TRPC7: variants seen among roughly 807,000 people sequenced by gnomAD.
TRPC7 encodes the protein transient receptor potential cation channel subfamily C member 7.
In TRPC7, 42 loss-of-function variants were observed where a neutral mutation model predicts 90.1. That is an observed-to-expected ratio of 0.47 (90% CI 0.36 to 0.60). TRPC7 has a LOEUF of 0.60. TRPC7 is among the 20% of genes least tolerant of loss of function. The pLI is 0.00. For synonymous variants in TRPC7, 451 were observed against 436.3 expected (o/e 1.03, Z -0.42); for missense variants, 955 against 1,112.3 (o/e 0.86, Z 2.01).
chr5:136,345,155 A>T (rs1759966088), intron 2 of TRPC7, among the ~76,000 whole-genome samples: 1 of 152,224 alleles, frequency 6.6e-6, no homozygotes, highest in South Asian at 2.1e-4. Context: ...GGGATAAAGT[A>T]TGAAGGGAAA....
At chr5:136,245,728 T>A (rs185123161) in intron 7 of TRPC7, among the ~76,000 whole-genome samples, 1 of 152,326 alleles carries the variant, frequency 6.6e-6, no homozygotes, top group African/African-American at 2.4e-5. Context: ...GGAGAAGTTC[T>A]GGAACTGAGT....
chr5:136,262,012 G>A (rs964046812), intron 5 of TRPC7, among the ~76,000 whole-genome samples: 3 of 152,118 alleles, frequency 2.0e-5, no homozygotes, highest in Non-Finnish European at 4.4e-5. Context: ...GTTCTTGACT[G>A]CTCTCTTTCT....
chr5:136,315,925 G>T, intron 2 of TRPC7, 146 bp from the exon 3 acceptor site: 1 of 762,972 alleles, frequency 1.3e-6, no homozygotes, highest in Non-Finnish European at 2.1e-6. Flanking sequence ...AGCAGGATGT[G>T]CTGGGTGCAG....
Position 136,251,718 on chromosome 5 carries a change from C to G in TRPC7, c.1510G>C (p.Asp504His). ...AGCGTGTCGTCCTGCACGTGCTGGT[C>G]CACGTACAGCTGTGCCTCCGTGGCC... The part of the protein sequence containing the change: ...LKATEAQLYV[D>H]QHVQDDTLHN... Residue 504 changes from aspartate to histidine, a missense_variant, in exon 6 of 12, where the codon GAC becomes CAC. By Grantham distance (81) the Asp-to-His change is moderately conservative (BLOSUM62 -1). This residue lies in a region of TRPC7 where 484 missense variants were observed against 509.6 expected (regional missense o/e 0.95). Coordinates refer to ENST00000513104, the MANE Select transcript of TRPC7 (RefSeq NM_020389.3). The G allele has an allele frequency of 6.2e-7, 1 of 1,613,918 alleles. No homozygotes were observed. The highest frequency in any genetic ancestry group is 1.7e-5 in the Admixed American group (1 of 60,020).
intron 3 of TRPC7, among the ~76,000 whole-genome samples, chr5:136,304,391 C>T (rs2149833412): frequency 1.1e-5 from 1 of 88,016 alleles, no homozygotes. Flanking sequence ...ACTCTCCTTA[C>T]CATTCCCCCA....
intron 3 of TRPC7, among the ~76,000 whole-genome samples, chr5:136,283,256 G>A (rs1395168317): frequency 6.6e-6 from 1 of 152,226 alleles, no homozygotes; most frequent in Non-Finnish European, 1.5e-5. Flanking sequence ...TGTGTGGGGT[G>A]TCTGCTTTCT....
chr5:136,220,613 G>T (rs1755423116), intron 10 of TRPC7, among the ~76,000 whole-genome samples: 1 of 152,182 alleles, frequency 6.6e-6, no homozygotes, highest in Non-Finnish European at 1.5e-5. Context: ...TACGTGCACA[G>T]GTGAACATAG....
At chr5:136,255,090 G>C (rs953871782) in intron 5 of TRPC7, among the ~76,000 whole-genome samples, 1 of 152,210 alleles carries the variant, frequency 6.6e-6, no homozygotes, top group African/African-American at 2.4e-5. Context: ...AAAGAAAATA[G>C]TTTCTTCAGA....
intron 2 of TRPC7, among the ~76,000 whole-genome samples, chr5:136,334,472 G>C (rs556336478): frequency 6.6e-6 from 1 of 152,254 alleles, no homozygotes; most frequent in Admixed American, 6.5e-5. Context: ...TTTCACTTTG[G>C]TGCTTCTGTC....
At chr5:136,300,350 T>C (rs1231690068) in intron 3 of TRPC7, among the ~76,000 whole-genome samples, 1 of 152,162 alleles carries the variant, frequency 6.6e-6, no homozygotes, top group East Asian at 1.9e-4. Flanking sequence ...GGCTCATGTG[T>C]GGTGGGAGTA....
At chr5:136,298,906 AT>A (rs544951049) in intron 3 of TRPC7, among the ~76,000 whole-genome samples, 122 of 152,286 alleles carry the variant, frequency 8.0e-4, no homozygotes, top group African/African-American at 2.9e-3. Context: ...AGCAGTGATG[AT>A]TATTAGACTA....
intron 2 of TRPC7, among the ~76,000 whole-genome samples, chr5:136,334,965 C>G (rs973638435): frequency 1.3e-5 from 2 of 152,004 alleles, no homozygotes; most frequent in African/African-American, 4.8e-5. Context: ...TCTAAAAGCC[C>G]CGGGAGACAT....
At chr5:136,292,895 A>G (rs564389885) in intron 3 of TRPC7, among the ~76,000 whole-genome samples, 2 of 152,374 alleles carry the variant, frequency 1.3e-5, no homozygotes, top group Non-Finnish European at 2.9e-5. Context: ...AAAATCCTCA[A>G]TAAAATACTG....
At chr5:136,315,941 G>C in intron 2 of TRPC7, 162 bp from the exon 3 acceptor site, 1 of 684,952 alleles carries the variant, frequency 1.5e-6, no homozygotes, top group African/African-American at 1.8e-5. Flanking sequence ...TGCAGAAGGC[G>C]GGGCAATTTC....
chr5:136,238,183 G>A (rs1163521873), intron 7 of TRPC7, among the ~76,000 whole-genome samples: 2 of 152,218 alleles, frequency 1.3e-5, no homozygotes, highest in African/African-American at 2.4e-5. Context: ...GTCTGAAGGA[G>A]GCCCTCTCTC....
chr5:136,353,146 C>A (rs1184734613), intron 2 of TRPC7, among the ~76,000 whole-genome samples: 1 of 152,184 alleles, frequency 6.6e-6, no homozygotes, highest in Non-Finnish European at 1.5e-5. Context: ...CCTTGAACAG[C>A]TACATGATTT....
At chr5:136,222,106 A>T (rs1348364206) in intron 10 of TRPC7, 3 of 152,058 alleles carry the variant, frequency 2.0e-5, no homozygotes, top group Admixed American at 2.0e-4. Flanking sequence ...AAAACACATT[A>T]AAAAAATGGT....
At chr5:136,333,367 T>C (rs1054973352) in intron 2 of TRPC7, among the ~76,000 whole-genome samples, 4 of 152,112 alleles carry the variant, frequency 2.6e-5, no homozygotes, top group Non-Finnish European at 4.4e-5. Context: ...AAACATGATA[T>C]ATGATTATAC....
In TRPC7 at chr5:136,216,244, A is replaced by T; in HGVS notation, c.2375T>A (p.Val792Asp). Residue 792 changes from valine to aspartate, a missense_variant, in exon 11 of 12, where the codon GTC (valine) becomes GAC (aspartate). Val to Asp is a radical substitution (Grantham distance 152, BLOSUM62 -3). Around this residue, in one of 4 missense-constraint regions of TRPC7, gnomAD observed 296 missense variants for 422.7 expected, o/e 0.70. Coordinates refer to ENST00000513104, the MANE Select transcript of TRPC7 (RefSeq NM_020389.3). Reference sequence around the variant, plus strand: ...TTCTCTGTCCACCTGGGCTTTCAGGACGTATCTTTTTATGAGCCGTTTCAT... The same window carrying T: ...TTCTCTGTCCACCTGGGCTTTCAGGTCGTATCTTTTTATGAGCCGTTTCAT... ...KIMKRLIKRY[V>D]LKAQVDREND... The T allele has an allele frequency of 6.2e-7, 1 of 1,613,400 alleles. No individual in the cohort carries two copies. The highest frequency in any genetic ancestry group is 8.5e-7 in the Non-Finnish European group (1 of 1,179,682).
Sources: gnomAD v4.1 joint callset for allele counts (sites outside exome capture counted in the v4.1 genomes callset) on GRCh38, gnomAD v4.1.1 for gene constraint, gnomAD v4.1.1 regional missense constraint, MANE v1.5 for transcripts, NCBI Gene and HGNC (gene_info 2026-07-23, HGNC 2026-07-21) for gene names.